The following KCNK13 variants were observed in gnomAD, a reference collection of about 807,000 sequenced individuals.
KCNK13 encodes potassium channel subfamily K member 13.
Under a neutral mutation model 23.4 loss-of-function variants are expected in KCNK13, and 12 were observed. The ratio of observed to expected loss-of-function variants is 0.51; its 90% CI spans 0.33 to 0.83. The LOEUF (loss-of-function observed/expected upper bound fraction) is 0.83. KCNK13 is among the 40% of genes least tolerant of loss of function. KCNK13 has a pLI of 0.02. For synonymous variants in KCNK13, 231 were observed against 229.5 expected (o/e 1.01, Z -0.06); for missense variants, 463 against 556.3 (o/e 0.83, Z 1.69).
intron 1 of KCNK13, among the ~76,000 whole-genome samples, chr14:90,158,816 C>T (rs1216948322): frequency 6.6e-6 from 1 of 152,206 alleles, no homozygotes; most frequent in Admixed American, 6.5e-5. Flanking sequence ...ACCTAACAAG[C>T]AACGTAACCA....
chr14:90,167,012 C>T (rs1890311764), intron 1 of KCNK13, among the ~76,000 whole-genome samples: 1 of 152,190 alleles, frequency 6.6e-6, no homozygotes, highest in African/African-American at 2.4e-5. Flanking sequence ...CACCCAGGCC[C>T]TAACTAGCTA....
intron 1 of KCNK13, among the ~76,000 whole-genome samples, chr14:90,108,307 C>A (rs1889571081): frequency 1.3e-5 from 2 of 152,256 alleles, no homozygotes; most frequent in Middle Eastern, 3.4e-3. Flanking sequence ...CACGTGTCGG[C>A]ATGCCTCTGC....
intron 1 of KCNK13, among the ~76,000 whole-genome samples, chr14:90,081,703 G>T (rs770445241): frequency 6.6e-6 from 1 of 152,138 alleles, no homozygotes; most frequent in Non-Finnish European, 1.5e-5. Flanking sequence ...TCTGAAAAAA[G>T]AAACCTCATA....
intron 1 of KCNK13, among the ~76,000 whole-genome samples, chr14:90,108,794 T>A (rs1889576871): frequency 6.6e-6 from 1 of 152,170 alleles, no homozygotes; most frequent in Non-Finnish European, 1.5e-5. Context: ...CAGCAAAAAT[T>A]AAAGCACAAA....
chr14:90,165,715 C>G (rs1890295112), intron 1 of KCNK13, among the ~76,000 whole-genome samples: 1 of 152,144 alleles, frequency 6.6e-6, no homozygotes, highest in African/African-American at 2.4e-5. Flanking sequence ...GGGACACCTC[C>G]TTGAGATAAG....
intron 1 of KCNK13, among the ~76,000 whole-genome samples, chr14:90,174,140 A>G (rs1171479077): frequency 6.6e-6 from 1 of 152,018 alleles, no homozygotes; most frequent in Non-Finnish European, 1.5e-5. Flanking sequence ...CCCTGTCTCT[A>G]CTAAAAAAAT....
intron 1 of KCNK13, among the ~76,000 whole-genome samples, chr14:90,113,081 T>C (rs1022523542): frequency 2.0e-5 from 3 of 152,050 alleles, no homozygotes; most frequent in South Asian, 2.1e-4. Flanking sequence ...GCCCTGCTAA[T>C]TTTTTATATT....
chr14:90,146,601 C>T (rs1566645662), intron 1 of KCNK13, among the ~76,000 whole-genome samples: 1 of 152,144 alleles, frequency 6.6e-6, no homozygotes. Flanking sequence ...CAGGCATGAG[C>T]CACCTTGCCC....
intron 1 of KCNK13, among the ~76,000 whole-genome samples, chr14:90,167,662 C>A (rs1452962120): frequency 2.0e-5 from 3 of 152,126 alleles, no homozygotes; most frequent in Non-Finnish European, 1.5e-5. Flanking sequence ...CCTGCTCATT[C>A]GCTGAGGCAG....
chr14:90,072,625 T>G (rs1889089750), intron 1 of KCNK13, among the ~76,000 whole-genome samples: 1 of 152,214 alleles, frequency 6.6e-6, no homozygotes, highest in Non-Finnish European at 1.5e-5. Context: ...TCACAGAGGG[T>G]GAACCTTGCA....
intron 1 of KCNK13, among the ~76,000 whole-genome samples, chr14:90,074,204 G>A (rs1260243560): frequency 6.6e-6 from 1 of 152,170 alleles, no homozygotes; most frequent in East Asian, 1.9e-4. Context: ...TCCTGACCTC[G>A]TGATCCACCC....
chr14:90,085,719 T>C (rs1889263763), intron 1 of KCNK13, among the ~76,000 whole-genome samples: 1 of 138,074 alleles, frequency 7.2e-6, no homozygotes, highest in South Asian at 2.1e-4. Flanking sequence ...TATATATACT[T>C]ATATATAATA....
intron 1 of KCNK13, among the ~76,000 whole-genome samples, chr14:90,080,365 A>G (rs2140394676): frequency 6.6e-6 from 1 of 152,228 alleles, no homozygotes; most frequent in Non-Finnish European, 1.5e-5. Context: ...CTGAGGCAGG[A>G]GAATTGCTTG....
Position 90,166,335 on chromosome 14 carries a change from G to A in KCNK13, c.335-17776G>A, listed in dbSNP as rs563547810. On this transcript the variant is annotated intron_variant, in intron 1 of 1. Transcript: ENST00000282146. ...ACAGAGTGGAAATACGTTCCCTTTG[G>A]CTTACCTGGCAAATTTTAATATGCT... 2.6e-5 allele frequency among the ~76,000 whole-genome samples: 4 copies of A among 152,298 alleles called. No individual in the cohort carries two copies. The South Asian group carries it at 8.3e-4, about 32-fold the overall frequency.
chr14:90,168,720 GTTTAGGACC>G (rs1210168937), intron 1 of KCNK13, among the ~76,000 whole-genome samples: 3 of 152,208 alleles, frequency 2.0e-5, no homozygotes, highest in African/African-American at 7.2e-5. Context: ...GCATACTAAA[GTTTAGGACC>G]TTTGTCCCAG....
intron 1 of KCNK13, among the ~76,000 whole-genome samples, chr14:90,075,689 C>T (rs972362601): frequency 6.6e-6 from 1 of 152,152 alleles, no homozygotes; most frequent in Non-Finnish European, 1.5e-5. Flanking sequence ...CCATGTTGCC[C>T]AGGCTGGTCT....
chr14:90,084,412 G>T (rs1450823368), intron 1 of KCNK13, among the ~76,000 whole-genome samples: 1 of 152,102 alleles, frequency 6.6e-6, no homozygotes, highest in African/African-American at 2.4e-5. Context: ...AAATGAAATG[G>T]TTTTCTTGAT....
chr14:90,144,115 T>G (rs907809084), intron 1 of KCNK13, among the ~76,000 whole-genome samples: 5 of 152,228 alleles, frequency 3.3e-5, no homozygotes, highest in Non-Finnish European at 5.9e-5. Flanking sequence ...GGAATTTTGA[T>G]TAGAATTGCA....
intron 1 of KCNK13, among the ~76,000 whole-genome samples, chr14:90,118,031 A>G (rs1472180000): frequency 6.6e-6 from 1 of 152,194 alleles, no homozygotes; most frequent in Non-Finnish European, 1.5e-5. Context: ...AGGACTTAAC[A>G]AAGAGATTTT....
Sources: gnomAD v4.1 joint callset for allele counts (sites outside exome capture counted in the v4.1 genomes callset) on GRCh38, gnomAD v4.1.1 for gene constraint, MANE v1.5 for transcripts, NCBI Gene and HGNC (gene_info 2026-07-23, HGNC 2026-07-21) for gene names.